The following SLC16A14 variants were observed in gnomAD, a reference collection of about 807,000 sequenced individuals.
The protein encoded by SLC16A14 is solute carrier family 16 member 14, also known as monocarboxylate transporter 14.
SLC16A14 carries 14 observed loss-of-function variants against 35.8 expected under a neutral mutation model. That is an observed-to-expected ratio of 0.39 (90% CI 0.26 to 0.61). The LOEUF (loss-of-function observed/expected upper bound fraction) is 0.61. SLC16A14 is among the 20% of genes least tolerant of loss of function. SLC16A14 has a pLI of 0.51. For missense variants in SLC16A14, 533 were observed against 655.0 expected (o/e 0.81, Z 2.03); for synonymous variants, 248 against 258.9 (o/e 0.96, Z 0.40).
intron 1 of SLC16A14, among the ~76,000 whole-genome samples, chr2:230,060,969 G>A (rs2106276936): frequency 6.6e-6 from 1 of 152,254 alleles, no homozygotes; most frequent in East Asian, 1.9e-4. Flanking sequence ...GGCAGAGGTT[G>A]TGTAGGAGAC....
intron 4 of SLC16A14, among the ~76,000 whole-genome samples, chr2:230,045,001 G>A (rs1394475530): frequency 6.6e-6 from 1 of 152,078 alleles, no homozygotes; most frequent in African/African-American, 2.4e-5. Flanking sequence ...ATGGTGTTTT[G>A]GAAATCTGTT....
Position 230,045,729 on chromosome 2 carries a change from A to G in SLC16A14, c.1381+16T>C. 6.2e-7 allele frequency: 1 copy of G among 1,614,116 alleles called. No homozygotes were observed. Among genetic ancestry groups the G allele is most frequent in the Non-Finnish European group, 8.5e-7 (1 of 1,180,006 alleles). The stretch of plus-strand genomic sequence containing the variant: ...TGTACATGCACTCTGAGCTCTTAAA[A>G]CCTCAGAGAGTTTACCTGCAAAAGG... On this transcript the variant is annotated intron_variant, in intron 4 of 4. Coordinates refer to ENST00000295190, the MANE Select transcript of SLC16A14 (RefSeq NM_152527.5).
At chr2:230,054,101 A>C (rs1355648690) in intron 2 of SLC16A14, among the ~76,000 whole-genome samples, 1 of 151,846 alleles carries the variant, frequency 6.6e-6, no homozygotes, top group Non-Finnish European at 1.5e-5. Context: ...GGGGAAGTTA[A>C]AGCTCCCCAG....
At chr2:230,049,621 T>C in intron 3 of SLC16A14, 140 bp downstream of exon 3, 1 of 840,402 alleles carries the variant, frequency 1.2e-6, no homozygotes, top group Non-Finnish European at 1.9e-6. Context: ...TCCAGGAGTG[T>C]AGGGAGGGGT....
At chr2:230,067,575 A>ACG (rs1560485469) in intron 1 of SLC16A14, among the ~76,000 whole-genome samples, 1 of 131,272 alleles carries the variant, frequency 7.6e-6, no homozygotes, top group Non-Finnish European at 1.6e-5. Context: ...TCTCTCTCAC[A>ACG]CACACACACA....
chr2:230,057,566 C>T (rs559714877), intron 2 of SLC16A14, among the ~76,000 whole-genome samples: 11 of 151,578 alleles, frequency 7.3e-5, no homozygotes, highest in African/African-American at 4.8e-5. Context: ...GCCAGGAGTT[C>T]GAGACCAGCC....
intron 2 of SLC16A14, among the ~76,000 whole-genome samples, chr2:230,057,797 C>A (rs1368379806): frequency 6.6e-6 from 1 of 152,052 alleles, no homozygotes; most frequent in Admixed American, 6.6e-5. Flanking sequence ...GAGGCCAAGG[C>A]AGGTGGATCA....
intron 2 of SLC16A14, 192 bp downstream of exon 2, chr2:230,058,902 G>T: frequency 1.4e-6 from 1 of 735,416 alleles, no homozygotes; most frequent in Non-Finnish European, 1.7e-6. Flanking sequence ...CAAAGTGCTG[G>T]GATTACAGGT....
intron 4 of SLC16A14, 144 bp downstream of exon 4, chr2:230,045,601 T>C (rs776657177): frequency 4.3e-6 from 4 of 923,658 alleles, no homozygotes; most frequent in Non-Finnish European, 6.6e-6. Flanking sequence ...TGCTAAAATG[T>C]ATAAATGAGA....
In SLC16A14 at chr2:230,045,763, G is replaced by A. The variant is rs200415909; in HGVS notation, c.1363C>T (p.Leu455=). The A allele has an allele frequency of 1.1e-4, 181 of 1,614,104 alleles. No homozygotes were observed. Among genetic ancestry groups the A allele is most frequent in the Non-Finnish European group, 1.5e-4 (176 of 1,180,054 alleles). ...IICANGISAL[L]GPPFAGWIYD... ...AGTTTACCTGCAAAAGGTGGTCCCA[G>A]CAATGCAGAGATGCCATTAGCACAG... The change falls in exon 4 of 5, where the codon CTG becomes TTG. Residue 455 remains leucine (L), a synonymous_variant. Transcript: ENST00000295190.
intron 4 of SLC16A14, among the ~76,000 whole-genome samples, chr2:230,044,681 A>T (rs1434111614): frequency 6.6e-6 from 1 of 150,808 alleles, no homozygotes; most frequent in East Asian, 2.0e-4. Flanking sequence ...GACCTCCAGA[A>T]CAGTAAGATA....
chr2:230,057,628 A>T (rs932443076), intron 2 of SLC16A14, among the ~76,000 whole-genome samples: 1 of 152,068 alleles, frequency 6.6e-6, no homozygotes, highest in African/African-American at 2.4e-5. Context: ...AAAATACAAG[A>T]ATATATTGTT....
chr2:230,044,736 G>GTGTGTGTGTGTGTGTGTGTGTGTGTA (rs575463088), intron 4 of SLC16A14, among the ~76,000 whole-genome samples: 1 of 107,034 alleles, frequency 9.3e-6, no homozygotes, highest in Non-Finnish European at 2.1e-5. Context: ...GTGTGTGTGT[G>GTGTGTGTGTGTGTGTGTGTGTGTGTA]TATGTGTGTG....
intron 1 of SLC16A14, among the ~76,000 whole-genome samples, chr2:230,066,315 A>C (rs2077794900): frequency 6.6e-6 from 1 of 152,072 alleles, no homozygotes; most frequent in Non-Finnish European, 1.5e-5. Flanking sequence ...AAAAAAAAAA[A>C]GTAAAAGGTA....
At chr2:230,040,838 C>T (rs901816939) in intron 4 of SLC16A14, among the ~76,000 whole-genome samples, 4 of 152,106 alleles carry the variant, frequency 2.6e-5, no homozygotes, top group Admixed American at 1.3e-4. Context: ...CAAACCCAGT[C>T]GGATGTAAAG....
intron 1 of SLC16A14, among the ~76,000 whole-genome samples, 186 bp from the exon 2 acceptor site, chr2:230,059,552 C>T (rs57699144): frequency 0.48 from 72,734 of 151,652 alleles, 18,035 homozygotes; most frequent in African/African-American, 0.58. Context: ...GCAAGTGCTT[C>T]TATGAAACCT....
Position 230,046,012 on chromosome 2 carries a change from C to G in SLC16A14, c.1114G>C (p.Val372Leu). 1 of 1,613,960 alleles carries G rather than the reference C, an allele frequency of 6.2e-7. No individual in the cohort carries two copies. Among genetic ancestry groups the G allele is most frequent in the Non-Finnish European group, 8.5e-7 (1 of 1,179,794 alleles). The change falls in exon 4 of 5, where the codon GTC becomes CTC. Residue 372 changes from valine to leucine, a missense_variant. By Grantham distance (32) the Val-to-Leu change is conservative. Coordinates refer to ENST00000295190, the MANE Select transcript of SLC16A14 (RefSeq NM_152527.5). The surrounding 1 kb of genome is among the most constrained non-coding windows in gnomAD (Gnocchi z 5.0). ...CTAATGCAAGGCAAGTCGGCTATGA[C>G]GCCCAGGATCACTTTTCCAAAGATG... Reference protein sequence around the residue: ...VHIFGKVILGVIADLPCISVW... With the variant: ...VHIFGKVILGLIADLPCISVW...
At chr2:230,063,802 G>A (rs531850440) in intron 1 of SLC16A14, among the ~76,000 whole-genome samples, 109 of 152,234 alleles carry the variant, frequency 7.2e-4, no homozygotes, top group African/African-American at 2.3e-3. Context: ...TCTTAGTGGT[G>A]AGAAATTTCC....
chr2:230,043,848 G>A (rs896328753), intron 4 of SLC16A14, among the ~76,000 whole-genome samples: 1 of 152,214 alleles, frequency 6.6e-6, no homozygotes, highest in African/African-American at 2.4e-5. Context: ...GCCTTTCCAC[G>A]AAGGCACTGG....
Sources: gnomAD v4.1 joint callset for allele counts (sites outside exome capture counted in the v4.1 genomes callset) on GRCh38, gnomAD v4.1.1 for gene constraint, Gnocchi (gnomAD v3.1) non-coding constraint, MANE v1.5 for transcripts, NCBI Gene and HGNC (gene_info 2026-07-23, HGNC 2026-07-21) for gene names.